The following PAWR variants were observed in gnomAD, a reference collection of about 807,000 sequenced individuals.
PAWR encodes the protein pro-apoptotic WT1 regulator.
A neutral mutation model predicts 32.0 loss-of-function variants in PAWR; 23 were observed. That is an observed-to-expected ratio of 0.72 (90% confidence interval 0.52 to 1.02). The LOEUF is 1.02. Among genes scored for constraint, PAWR ranks in the 50% least tolerant of loss-of-function variants. The probability of loss-of-function intolerance (pLI) is 0.00; values close to 1 mark genes in which losing one functional copy is unlikely to be tolerated. For missense variants in PAWR, 457 were observed against 437.7 expected, an observed-to-expected ratio of 1.04 and a Z score of -0.39; for synonymous variants, 226 against 187.1, an observed-to-expected ratio of 1.21 and a Z score of -1.70.
rs574117652 is a variant in PAWR at position 79,588,505 on chromosome 12, C to T, written c.*4102G>A. The T allele has an allele frequency of 6.6e-6, 1 of 151,872 alleles. No individual in the cohort carries two copies. The highest frequency in any genetic ancestry group is 2.4e-5 in the African/African-American group (1 of 41,404). 9.4% of individuals were successfully genotyped at this position (151,872 alleles called of 1,614,324 possible). On this transcript the variant is annotated 3_prime_UTR_variant, in exon 7 of 7. Transcript: ENST00000328827. ...AATGTTGTAGCAAATTAAATAGAAC[C>T]TATTAACTAGATCTAAAAACAGTGG...
intron 1 of PAWR, 177 bp from the exon 2 acceptor site, chr12:79,690,568 C>A: frequency 4.1e-6 from 1 of 246,358 alleles, no homozygotes; most frequent in Admixed American, 5.6e-5. Flanking sequence ...ACAGTACGGA[C>A]CCCGACGATC....
intron 2 of PAWR, among the ~76,000 whole-genome samples, chr12:79,666,715 T>A (rs1236937080): frequency 2.0e-5 from 3 of 152,224 alleles, no homozygotes; most frequent in Non-Finnish European, 4.4e-5. Flanking sequence ...CTCACAAAAA[T>A]GTTATTTATA....
At chr12:79,631,902 G>A (rs1028748246) in intron 2 of PAWR, among the ~76,000 whole-genome samples, 4 of 152,006 alleles carry the variant, frequency 2.6e-5, no homozygotes, top group African/African-American at 9.7e-5. Context: ...GGAGGCCCAG[G>A]CAGGTGGATT....
chr12:79,630,889 G>C (rs899070975), intron 2 of PAWR, among the ~76,000 whole-genome samples: 3 of 148,406 alleles, frequency 2.0e-5, no homozygotes, highest in African/African-American at 7.4e-5. Context: ...AAAATAATAA[G>C]AACTACAGAC....
intron 2 of PAWR, among the ~76,000 whole-genome samples, chr12:79,641,575 G>GC (rs1183372536): frequency 6.6e-6 from 1 of 151,924 alleles, no homozygotes; most frequent in Non-Finnish European, 1.5e-5. Context: ...TTGGCCAGGC[G>GC]CGGTGGCTCA....
intron 2 of PAWR, among the ~76,000 whole-genome samples, chr12:79,632,972 A>G (rs1472821045): frequency 6.6e-6 from 1 of 152,042 alleles, no homozygotes; most frequent in Non-Finnish European, 1.5e-5. Context: ...TGTCTCTACT[A>G]AAAATATGAA....
intron 2 of PAWR, among the ~76,000 whole-genome samples, chr12:79,638,474 T>C (rs1876075104): frequency 6.6e-6 from 1 of 152,162 alleles, no homozygotes; most frequent in Non-Finnish European, 1.5e-5. Flanking sequence ...CCTGTGGTTC[T>C]ATAAAAGAAA....
At chr12:79,644,120 T>C (rs540521808) in intron 2 of PAWR, among the ~76,000 whole-genome samples, 7 of 152,310 alleles carry the variant, frequency 4.6e-5, no homozygotes, top group East Asian at 3.9e-4. Flanking sequence ...TTCTTTGTAA[T>C]TGAAATTTTA....
At chr12:79,617,212 C>T (rs947062955) in intron 3 of PAWR, among the ~76,000 whole-genome samples, 1 of 152,034 alleles carries the variant, frequency 6.6e-6, no homozygotes, top group Non-Finnish European at 1.5e-5. Context: ...ATTAGCTGGG[C>T]CTGGAGGCAA....
chr12:79,612,537 C>T (rs1039645940), intron 4 of PAWR, among the ~76,000 whole-genome samples: 3 of 152,118 alleles, frequency 2.0e-5, no homozygotes, highest in Admixed American at 2.0e-4. Flanking sequence ...TGCCAGAGTT[C>T]AAATCCAGAA....
At chr12:79,688,822 T>C (rs1371342265) in intron 2 of PAWR, among the ~76,000 whole-genome samples, 1 of 152,194 alleles carries the variant, frequency 6.6e-6, no homozygotes, top group Non-Finnish European at 1.5e-5. Flanking sequence ...CTATTTTAGG[T>C]GAAACAAGGT....
At chr12:79,644,651 C>A (rs1207920071) in intron 2 of PAWR, among the ~76,000 whole-genome samples, 2 of 152,092 alleles carry the variant, frequency 1.3e-5, no homozygotes, top group Admixed American at 6.6e-5. Context: ...AAGCTTCCTG[C>A]TTTTTTATTT....
At chr12:79,664,971 G>A (rs1375460595) in intron 2 of PAWR, among the ~76,000 whole-genome samples, 1 of 152,068 alleles carries the variant, frequency 6.6e-6, no homozygotes, top group Non-Finnish European at 1.5e-5. Context: ...TTGGAAGGAG[G>A]AGCAGCAATT....
intron 3 of PAWR, among the ~76,000 whole-genome samples, chr12:79,613,960 TATATATATATATATATATA>T (rs1216996088): frequency 0.02 from 163 of 8,060 alleles, 4 homozygotes; most frequent in African/African-American, 0.081. Flanking sequence ...TATATATATA[TATATATATATATATATATA>T]TTTTTTTTTT....
At chr12:79,641,078 T>G (rs1330229502) in intron 2 of PAWR, among the ~76,000 whole-genome samples, 1 of 152,266 alleles carries the variant, frequency 6.6e-6, no homozygotes, top group Non-Finnish European at 1.5e-5. Context: ...TAGGTTCATT[T>G]TAACTTTCAT....
intron 2 of PAWR, among the ~76,000 whole-genome samples, chr12:79,685,987 A>G (rs1176324095): frequency 6.6e-6 from 1 of 152,212 alleles, no homozygotes; most frequent in African/African-American, 2.4e-5. Context: ...TCTCCTCTGG[A>G]AATAGTGATA....
intron 2 of PAWR, among the ~76,000 whole-genome samples, chr12:79,630,384 C>A (rs1328608262): frequency 6.6e-6 from 1 of 152,092 alleles, no homozygotes; most frequent in Non-Finnish European, 1.5e-5. Flanking sequence ...ACTGCAACCT[C>A]TGCCTCCCGG....
At chr12:79,619,595 C>T (rs1459001796) in intron 3 of PAWR, among the ~76,000 whole-genome samples, 3 of 152,136 alleles carry the variant, frequency 2.0e-5, no homozygotes, top group Non-Finnish European at 2.9e-5. Flanking sequence ...TGGAACATAA[C>T]TCCCTTTGAT....
chr12:79,674,246 G>A (rs1356319998), intron 2 of PAWR, among the ~76,000 whole-genome samples: 1 of 151,970 alleles, frequency 6.6e-6, no homozygotes, highest in East Asian at 1.9e-4. Context: ...CAAAAATAAA[G>A]CTGCACACCT....
Sources: allele counts gnomAD v4.1 joint callset (sites outside exome capture counted in the v4.1 genomes callset), GRCh38; gene constraint gnomAD v4.1.1; transcripts MANE v1.5; gene names NCBI Gene and HGNC (gene_info 2026-07-23, HGNC 2026-07-21).